POLA1: variants seen among roughly 807,000 people sequenced by gnomAD.
The protein encoded by POLA1 is DNA polymerase alpha catalytic subunit.
Under a neutral mutation model 124.0 loss-of-function variants are expected in POLA1, and 15 were observed. That is an observed-to-expected ratio of 0.12 (90% CI 0.08 to 0.19). POLA1 has a LOEUF of 0.19. Ranked by LOEUF, POLA1 falls within the 10% of genes least tolerant of loss-of-function variation. POLA1 has a pLI of 1.00. For synonymous variants in POLA1, 408 were observed against 389.4 expected (o/e 1.05, Z -0.56); for missense variants, 886 against 1,103.4 (o/e 0.80, Z 2.79).
chrX:24,834,643 G>A (rs2046317654), intron 32 of POLA1, among the ~76,000 whole-genome samples: 1 of 111,145 alleles, frequency 9.0e-6, no homozygotes, highest in Admixed American at 9.5e-5. Flanking sequence ...GCCAGGCGTG[G>A]TGGCGGGCAC....
chrX:24,813,896 G>T (rs987020971), intron 29 of POLA1, among the ~76,000 whole-genome samples: 13 of 109,842 alleles, frequency 1.2e-4, no homozygotes, highest in Admixed American at 5.8e-4. Flanking sequence ...GAAAGTAGAA[G>T]AATTTTTTAT....
chrX:24,945,895 G>A (rs762635230), intron 36 of POLA1, among the ~76,000 whole-genome samples: 2 of 111,211 alleles, frequency 1.8e-5, no homozygotes, highest in East Asian at 5.6e-4. Context: ...TGCTGTATAC[G>A]CTAATGTAGC....
rs778670125 is a variant in POLA1, at chrX:24,748,160, CTCTT to C, written c.2692-146_2692-143del. The C allele has an allele frequency of 8.5e-5, 35 of 411,056 alleles. No individual in the cohort carries two copies. In the Admixed American group the frequency reaches 1.1e-3, roughly 13 times the overall value. The allele number at this position is 411,056 out of a possible 1,213,427, so 33.9% of individuals were successfully genotyped here. On this transcript the variant is annotated intron_variant, in intron 24 of 36. Coordinates refer to ENST00000379068, the MANE Select transcript of POLA1 (RefSeq NM_001330360.2). ...ATGACCTGTTCTACAACCCTCTCAG[CTCTT>C]TCTTATACTACTCATGCATTATTGA... is the stretch of plus-strand genomic sequence containing the variant.
At chrX:24,763,455 G>A (rs931945906) in intron 26 of POLA1, among the ~76,000 whole-genome samples, 9 of 111,075 alleles carry the variant, frequency 8.1e-5, no homozygotes, top group African/African-American at 1.3e-4. Flanking sequence ...TAATTTTGAG[G>A]TTGCAGAATA....
chrX:24,925,874 G>A (rs758772741), intron 35 of POLA1, among the ~76,000 whole-genome samples: 58 of 110,751 alleles, frequency 5.2e-4, no homozygotes, highest in Admixed American at 1.8e-3. Flanking sequence ...TGCTGCCTCC[G>A]GAGTAGCTGG....
intron 34 of POLA1, among the ~76,000 whole-genome samples, chrX:24,855,709 G>A (rs1419852752): frequency 9.0e-6 from 1 of 111,274 alleles, no homozygotes; most frequent in Non-Finnish European, 1.9e-5. Context: ...GAACTTCAAC[G>A]CCATGATCAG....
intron 4 of POLA1, among the ~76,000 whole-genome samples, chrX:24,714,185 T>G (rs1929662188): frequency 8.9e-6 from 1 of 111,924 alleles, no homozygotes; most frequent in African/African-American, 3.3e-5. Context: ...TGAGATGGAG[T>G]CTTGCTCTGT....
At chrX:24,904,247 A>G (rs1246231573) in intron 35 of POLA1, among the ~76,000 whole-genome samples, 1 of 110,556 alleles carries the variant, frequency 9.0e-6, no homozygotes, top group African/African-American at 3.3e-5. Context: ...CCAGATTTCA[A>G]GTACCTTTAA....
chrX:24,717,812 T>G, intron 10 of POLA1, 54 bp downstream of exon 10: 2 of 768,849 alleles, frequency 2.6e-6, no homozygotes, highest in Non-Finnish European at 3.7e-6. Context: ...GACTTTTCCC[T>G]TAAATATTTT....
chrX:24,807,736 A>G (rs2045824334), intron 26 of POLA1, among the ~76,000 whole-genome samples: 1 of 111,569 alleles, frequency 9.0e-6, no homozygotes, highest in Non-Finnish European at 1.9e-5. Context: ...TTCAAGTACT[A>G]GTAAAATAAT....
chrX:24,801,924 GGTGTGTGTGTGTGTGTGTGTGTGT>G (rs35938897), intron 26 of POLA1, among the ~76,000 whole-genome samples: 3 of 74,543 alleles, frequency 4.0e-5, no homozygotes, highest in South Asian at 9.0e-4. Context: ...GAGGTGGGTG[GGTGTGTGTGTGTGTGTGTGTGTGT>G]GTGTGTGTGT....
At chrX:24,777,103 A>G (rs771886426) in intron 26 of POLA1, among the ~76,000 whole-genome samples, 5 of 112,433 alleles carry the variant, frequency 4.4e-5, no homozygotes, top group Non-Finnish European at 7.5e-5. Flanking sequence ...TTTAAAAACC[A>G]GTACTGGTAA....
intron 35 of POLA1, among the ~76,000 whole-genome samples, chrX:24,900,788 A>G (rs1361123376): frequency 9.0e-6 from 1 of 111,603 alleles, no homozygotes; most frequent in African/African-American, 3.3e-5. Flanking sequence ...GAATGGTGGA[A>G]ACTGAGATTT....
chrX:24,867,814 G>A (rs1437103247), intron 34 of POLA1, among the ~76,000 whole-genome samples: 1 of 111,896 alleles, frequency 8.9e-6, no homozygotes. Context: ...CACACAGAGG[G>A]AAAGGAAAGG....
chrX:24,695,834 A>C (rs1927954121), intron 1 of POLA1, among the ~76,000 whole-genome samples: 1 of 112,560 alleles, frequency 8.9e-6, no homozygotes, highest in Admixed American at 9.4e-5. Context: ...TGGTTCATTC[A>C]GCAAATATTT....
chrX:24,926,256 C>T (rs947490798), intron 35 of POLA1, among the ~76,000 whole-genome samples: 1 of 110,341 alleles, frequency 9.1e-6, no homozygotes, highest in African/African-American at 3.3e-5. Flanking sequence ...AGAACACAAA[C>T]TGTACGACTG....
chrX:24,738,639 C>T (rs182650547), intron 19 of POLA1, among the ~76,000 whole-genome samples: 123 of 111,550 alleles, frequency 1.1e-3, no homozygotes, highest in Non-Finnish European at 1.5e-3. Flanking sequence ...TGAACCCAGG[C>T]CTGGGTGACT....
At position 24,724,360 on chromosome X, in the gene POLA1, A is replaced by G. The variant is rs1215632101; in HGVS notation, c.1226A>G (p.Glu409Gly). 1.8e-6 allele frequency: 2 copies of G among 1,131,332 alleles called. No homozygotes were observed. The highest frequency in any genetic ancestry group is 2.4e-6 in the Non-Finnish European group (2 of 828,949). The allele number at this position is 1,131,332 out of a possible 1,213,427, so 93.2% of individuals were successfully genotyped here. A position where few individuals can be genotyped will look rare whatever the true frequency, so the allele number is the denominator to read the frequency against. ...AAAATTGATCTAAATACGGGGAAAGAAACAGGAACTCCAATTTCAATGAAG... is the reference window on the plus strand; with the variant it reads ...AAAATTGATCTAAATACGGGGAAAGGAACAGGAACTCCAATTTCAATGAAG... ...EMKIDLNTGK[E>G]TGTPISMKDV... is the part of the protein sequence containing the mutation. Residue 409 changes from glutamate (E) to glycine (G), a missense_variant, in exon 12 of 37, where the codon GAA (glutamate) becomes GGA (glycine). By Grantham distance (98) the Glu-to-Gly change is moderately conservative. Around this residue, in one of 7 missense-constraint regions of POLA1, gnomAD observed 337 missense variants for 402.8 expected, o/e 0.84. Coordinates refer to ENST00000379068, the MANE Select transcript of POLA1 (RefSeq NM_001330360.2).
chrX:24,924,407 C>G (rs2047661276), intron 35 of POLA1, among the ~76,000 whole-genome samples: 1 of 111,963 alleles, frequency 8.9e-6, no homozygotes, highest in Non-Finnish European at 1.9e-5. Flanking sequence ...ACCCCAAAGC[C>G]TATGGTCTTT....
Sources: gnomAD v4.1 joint callset for allele counts (sites outside exome capture counted in the v4.1 genomes callset) on GRCh38, gnomAD v4.1.1 for gene constraint, gnomAD v4.1.1 regional missense constraint, MANE v1.5 for transcripts, NCBI Gene and HGNC (gene_info 2026-07-23, HGNC 2026-07-21) for gene names.